KIF16B: variants seen among roughly 807,000 people sequenced by gnomAD.
The protein encoded by KIF16B is kinesin-like protein KIF16B.
Under a neutral mutation model 156.3 loss-of-function variants are expected in KIF16B, and 98 were observed. The ratio of observed to expected loss-of-function variants is 0.63; its 90% CI spans 0.53 to 0.74. The LOEUF (loss-of-function observed/expected upper bound fraction) is 0.74. KIF16B is among the 30% of genes least tolerant of loss of function. KIF16B has a pLI of 0.00. For missense variants in KIF16B, 1,421 were observed against 1,606.5 expected (o/e 0.88, Z 1.97); for synonymous variants, 564 against 583.7 (o/e 0.97, Z 0.49).
At chr20:16,489,759 A>AC (rs2068230513) in intron 12 of KIF16B, among the ~76,000 whole-genome samples, 1 of 151,154 alleles carries the variant, frequency 6.6e-6, no homozygotes, top group African/African-American at 2.4e-5. Context: ...TGGGGATCTT[A>AC]TAAAATACGG....
chr20:16,479,751 G>A (rs2067925472), intron 12 of KIF16B, among the ~76,000 whole-genome samples: 2 of 152,146 alleles, frequency 1.3e-5, no homozygotes, highest in African/African-American at 4.8e-5. Context: ...TGTAGCCTAG[G>A]AGCAATAGGC....
In KIF16B at chr20:16,490,527, G is replaced by A. The variant is rs544763287; in HGVS notation, c.1302+3764C>T. Among the ~76,000 whole-genome samples the A allele has an allele frequency of 3.3e-5, 5 of 152,158 alleles. No homozygotes were observed. In the South Asian group the frequency reaches 1.0e-3, roughly 32 times the overall value. ...TTGCACTCCAGCCTGGGCAACAAAA[G>A]CACAACTCCATCTCAAAAATAAAAT... On this transcript the variant is annotated intron_variant, in intron 12 of 25. Coordinates refer to ENST00000354981, the MANE Select transcript of KIF16B (RefSeq NM_024704.5).
intron 25 of KIF16B, among the ~76,000 whole-genome samples, chr20:16,302,365 A>C (rs1420952616): frequency 6.6e-6 from 1 of 152,176 alleles, no homozygotes; most frequent in Non-Finnish European, 1.5e-5. Flanking sequence ...TATTGAAAAG[A>C]CTATTTGTTG....
intron 15 of KIF16B, among the ~76,000 whole-genome samples, chr20:16,414,862 A>C (rs1344121479): frequency 6.6e-6 from 1 of 152,156 alleles, no homozygotes; most frequent in Non-Finnish European, 1.5e-5. Flanking sequence ...TGATGGTGCA[A>C]GAGTGATACA....
At chr20:16,389,042 C>T (rs1002767734) in intron 17 of KIF16B, among the ~76,000 whole-genome samples, 3 of 152,046 alleles carry the variant, frequency 2.0e-5, no homozygotes, top group South Asian at 2.1e-4. Context: ...GCAACAGAGG[C>T]GGTCTCCCTA....
chr20:16,469,254 T>TAAAAAAAAAAAAAAAAAAAAAAAAAAAA lies in KIF16B; in HGVS notation c.1302+25036_1302+25037insTTTTTTTTTTTTTTTTTTTTTTTTTTTT, dbSNP rs57114751. On this transcript the variant is annotated intron_variant, in intron 12 of 25. Transcript: ENST00000354981. ...GGTGACAGAGCAGGACCCTGTGTCT[T>TAAAAAAAAAAAAAAAAAAAAAAAAAAAA]AAAAAAAAAAAAAAAAAAAAAAAAA... Among the ~76,000 whole-genome samples the TAAAAAAAAAAAAAAAAAAAAAAAAAAAA allele has an allele frequency of 7.6e-5, 5 of 66,076 alleles. 1 individual carries two copies. Among genetic ancestry groups the TAAAAAAAAAAAAAAAAAAAAAAAAAAAA allele is most frequent in the African/African-American group, 1.7e-4 (3 of 17,604 alleles). 43.3% of individuals were successfully genotyped at this position (66,076 alleles called of 152,430 possible). A position where few individuals can be genotyped will look rare whatever the true frequency, so the allele number is the denominator to read the frequency against.
intron 7 of KIF16B, among the ~76,000 whole-genome samples, chr20:16,507,012 G>C (rs1484121685): frequency 6.6e-6 from 1 of 150,744 alleles, no homozygotes; most frequent in African/African-American, 2.4e-5. Flanking sequence ...TGAGGTGGGA[G>C]ATCACTTGAG....
At chr20:16,278,860 C>T (rs762089535) in intron 25 of KIF16B, among the ~76,000 whole-genome samples, 11 of 152,184 alleles carry the variant, frequency 7.2e-5, no homozygotes, top group Non-Finnish European at 1.3e-4. Context: ...GGTCTCTCAC[C>T]GGGCAAGTCT....
intron 1 of KIF16B, among the ~76,000 whole-genome samples, chr20:16,568,886 T>C (rs1242021716): frequency 6.8e-6 from 1 of 147,592 alleles, no homozygotes; most frequent in Non-Finnish European, 1.5e-5. Flanking sequence ...AAACTGACTT[T>C]GACTTTGAGC....
chr20:16,274,852 T>A (rs1308881054), intron 25 of KIF16B, among the ~76,000 whole-genome samples: 5 of 152,174 alleles, frequency 3.3e-5, no homozygotes, highest in Non-Finnish European at 7.4e-5. Context: ...GAAAGTAGAA[T>A]TTAGCTACCT....
chr20:16,465,808 C>A (rs1364877864), intron 12 of KIF16B, among the ~76,000 whole-genome samples: 2 of 151,982 alleles, frequency 1.3e-5, no homozygotes, highest in Non-Finnish European at 2.9e-5. Flanking sequence ...AGTGAATAGA[C>A]AAATAATTCC....
chr20:16,455,996 T>C (rs1201758864), intron 12 of KIF16B, among the ~76,000 whole-genome samples: 1 of 152,178 alleles, frequency 6.6e-6, no homozygotes, highest in Non-Finnish European at 1.5e-5. Flanking sequence ...ACACCTGAGA[T>C]TATACATGGC....
At chr20:16,477,426 C>T (rs1023753104) in intron 12 of KIF16B, among the ~76,000 whole-genome samples, 18 of 152,088 alleles carry the variant, frequency 1.2e-4, no homozygotes, top group African/African-American at 3.1e-4. Flanking sequence ...GCATTGAAAT[C>T]GGCATAGAGT....
chr20:16,505,557 G>T (rs142807426), intron 9 of KIF16B, among the ~76,000 whole-genome samples, 165 bp downstream of exon 9: 104 of 152,266 alleles, frequency 6.8e-4, no homozygotes, highest in Non-Finnish European at 1.3e-3. Flanking sequence ...CTATAGACTG[G>T]ATCATAGCAG....
At chr20:16,572,408 C>T (rs1177827741) in intron 1 of KIF16B, among the ~76,000 whole-genome samples, 2 of 152,308 alleles carry the variant, frequency 1.3e-5, no homozygotes, top group South Asian at 2.1e-4. Context: ...AATCAAATGG[C>T]TCTGTGTGAA....
intron 1 of KIF16B, among the ~76,000 whole-genome samples, chr20:16,540,362 T>C (rs1351638374): frequency 1.3e-5 from 2 of 152,188 alleles, no homozygotes; most frequent in African/African-American, 4.8e-5. Flanking sequence ...TTGGAATTCA[T>C]TTTAGCAAGA....
At chr20:16,569,970 CTGTGTG>C (rs10602666) in intron 1 of KIF16B, among the ~76,000 whole-genome samples, 14 of 149,638 alleles carry the variant, frequency 9.4e-5, no homozygotes, top group South Asian at 2.1e-4. Flanking sequence ...ATAGATGAAT[CTGTGTG>C]TGTGTGTGTG....
In KIF16B at chr20:16,312,410, G is replaced by A; in HGVS notation, c.3720C>T (p.Ala1240=). ...ATAGTTTCTTTGGAGGAAATTCAAG[G>A]GCAGCAAGCTGAAATAGACATTTTA... The part of the protein sequence containing the change: ...TLKLKYAELA[A]LEFPPKKLFG... The change falls in exon 25 of 26, where the codon GCC becomes GCT. Residue 1240 remains alanine (A), a synonymous_variant. Transcript: ENST00000354981. 1.2e-6 allele frequency: 2 copies of A among 1,611,960 alleles called. No individual in the cohort carries two copies.
intron 12 of KIF16B, among the ~76,000 whole-genome samples, chr20:16,434,997 A>G (rs2066606696): frequency 6.6e-6 from 1 of 152,188 alleles, no homozygotes; most frequent in South Asian, 2.1e-4. Context: ...GTTGAAAAAA[A>G]ATAAAATTAT....
Sources: allele counts gnomAD v4.1 joint callset (sites outside exome capture counted in the v4.1 genomes callset), GRCh38; gene constraint gnomAD v4.1.1; transcripts MANE v1.5; gene names NCBI Gene and HGNC (gene_info 2026-07-23, HGNC 2026-07-21).